The following TMEM132C variants were observed in gnomAD, a reference collection of about 807,000 sequenced individuals.
TMEM132C encodes transmembrane protein 132C.
Under a neutral mutation model 61.4 loss-of-function variants are expected in TMEM132C, and 29 were observed. The observed-to-expected ratio is 0.47, with a 90% CI of 0.35 to 0.64. The LOEUF is 0.64. Among genes scored for constraint, TMEM132C ranks in the 30% least tolerant of loss-of-function variants. The pLI is 0.00. For synonymous variants in TMEM132C, 656 were observed against 633.1 expected (o/e 1.04, Z -0.54); for missense variants, 1,408 against 1,476.9 (o/e 0.95, Z 0.76).
chr12:128,494,937 T>A (rs1345488483), intron 2 of TMEM132C, among the ~76,000 whole-genome samples: 4 of 150,366 alleles, frequency 2.7e-5, no homozygotes, highest in African/African-American at 9.8e-5. Flanking sequence ...TTGTGATGTT[T>A]GGGTGTCAAT....
At chr12:128,377,350 G>T (rs969408076) in intron 1 of TMEM132C, among the ~76,000 whole-genome samples, 1 of 152,178 alleles carries the variant, frequency 6.6e-6, no homozygotes, top group African/African-American at 2.4e-5. Flanking sequence ...ACTGTGCCTG[G>T]CCCGAGAATC....
At chr12:128,566,886 C>G (rs925217806) in intron 3 of TMEM132C, among the ~76,000 whole-genome samples, 2 of 152,182 alleles carry the variant, frequency 1.3e-5, no homozygotes, top group African/African-American at 4.8e-5. Context: ...ATAGCATCCA[C>G]CACCTACAGT....
At chr12:128,643,355 T>G (rs1954172010) in intron 4 of TMEM132C, among the ~76,000 whole-genome samples, 1 of 152,202 alleles carries the variant, frequency 6.6e-6, no homozygotes, top group African/African-American at 2.4e-5. Context: ...TGCTGCTGTC[T>G]GGGCATACCC....
At chr12:128,437,961 A>G (rs531039739) in intron 2 of TMEM132C, 2 of 152,306 alleles carry the variant, frequency 1.3e-5, no homozygotes, top group Admixed American at 1.3e-4. Context: ...GGAAAAGTGG[A>G]GTAATAAAAT....
At chr12:128,444,212 G>A (rs1869895355) in intron 2 of TMEM132C, among the ~76,000 whole-genome samples, 1 of 152,132 alleles carries the variant, frequency 6.6e-6, no homozygotes, top group Non-Finnish European at 1.5e-5. Context: ...GAGCCACCGC[G>A]CCCAGCCCGA....
chr12:128,381,975 G>A (rs1874414500), intron 1 of TMEM132C, among the ~76,000 whole-genome samples: 1 of 151,680 alleles, frequency 6.6e-6, no homozygotes. Context: ...CCTTCTCTTT[G>A]TCCCGTTGAA....
chr12:128,425,757 CT>C (rs1395921651), intron 2 of TMEM132C, among the ~76,000 whole-genome samples: 2 of 152,320 alleles, frequency 1.3e-5, no homozygotes, highest in South Asian at 2.1e-4. Context: ...ACGCCTGCCC[CT>C]GTCTTCGTGT....
chr12:128,322,637 G>T (rs1174288231), intron 1 of TMEM132C, among the ~76,000 whole-genome samples: 1 of 152,188 alleles, frequency 6.6e-6, no homozygotes. Context: ...AGAGACTCTG[G>T]GGAGTTCAAA....
intron 1 of TMEM132C, among the ~76,000 whole-genome samples, chr12:128,403,078 G>A (rs1383268576): frequency 2.0e-5 from 3 of 152,182 alleles, no homozygotes; most frequent in African/African-American, 4.8e-5. Context: ...TTCAGCAAAG[G>A]ATATTCAGGC....
intron 3 of TMEM132C, among the ~76,000 whole-genome samples, chr12:128,592,284 A>AT: frequency 6.6e-6 from 1 of 152,146 alleles, no homozygotes; most frequent in African/African-American, 2.4e-5. Context: ...CGCTTCACTT[A>AT]TTTTTATCTC....
At chr12:128,647,775 G>C (rs1954222135) in intron 4 of TMEM132C, among the ~76,000 whole-genome samples, 1 of 150,550 alleles carries the variant, frequency 6.6e-6, no homozygotes, top group Admixed American at 6.6e-5. Flanking sequence ...GTGTTTACTG[G>C]AGTCCATTAG....
intron 1 of TMEM132C, among the ~76,000 whole-genome samples, chr12:128,337,305 G>T (rs1402379415): frequency 6.6e-6 from 1 of 152,170 alleles, no homozygotes; most frequent in African/African-American, 2.4e-5. Context: ...CTATGCTGGG[G>T]TTTGACTCCT....
intron 4 of TMEM132C, among the ~76,000 whole-genome samples, chr12:128,640,466 G>A (rs1048738546): frequency 6.6e-6 from 1 of 152,120 alleles, no homozygotes; most frequent in African/African-American, 2.4e-5. Flanking sequence ...GGCCGCCCAG[G>A]GCTGGGAGGG....
intron 3 of TMEM132C, among the ~76,000 whole-genome samples, chr12:128,599,372 G>A (rs947566555): frequency 5.9e-5 from 9 of 152,154 alleles, no homozygotes; most frequent in African/African-American, 2.2e-4. Flanking sequence ...CCCAGTGACC[G>A]AGCCCTTCCA....
chr12:128,594,343 ACT>A (rs1260459803), intron 3 of TMEM132C, among the ~76,000 whole-genome samples: 4 of 151,172 alleles, frequency 2.6e-5, no homozygotes, highest in African/African-American at 7.3e-5. Flanking sequence ...AGCCACTGTA[ACT>A]CTCCCCCCAT....
chr12:128,626,783 C>T (rs1469099428), intron 4 of TMEM132C, among the ~76,000 whole-genome samples: 1 of 152,164 alleles, frequency 6.6e-6, no homozygotes, highest in South Asian at 2.1e-4. Flanking sequence ...CCTGTGTGAG[C>T]ACACATATCT....
intron 2 of TMEM132C, among the ~76,000 whole-genome samples, chr12:128,467,850 A>G (rs1027952693): frequency 1.1e-4 from 17 of 152,154 alleles, no homozygotes; most frequent in Non-Finnish European, 2.5e-4. Flanking sequence ...CATTCATTCA[A>G]CAGACATTTG....
At chr12:128,676,928 T>C (rs1954594180) in intron 5 of TMEM132C, among the ~76,000 whole-genome samples, 1 of 152,188 alleles carries the variant, frequency 6.6e-6, no homozygotes, top group Non-Finnish European at 1.5e-5. Flanking sequence ...TCATAACATC[T>C]GAATGGGAGA....
At chr12:128,306,881 T>C (rs1404246312) in intron 1 of TMEM132C, among the ~76,000 whole-genome samples, 1 of 152,172 alleles carries the variant, frequency 6.6e-6, no homozygotes, top group Non-Finnish European at 1.5e-5. Flanking sequence ...GGGCATATGT[T>C]AGCATGGTTA....
Sources: gnomAD v4.1 joint callset for allele counts (sites outside exome capture counted in the v4.1 genomes callset) on GRCh38, gnomAD v4.1.1 for gene constraint, MANE v1.5 for transcripts, NCBI Gene and HGNC (gene_info 2026-07-23, HGNC 2026-07-21) for gene names.